Variants in RPL30 observed in about 807,000 individuals in gnomAD.
RPL30 encodes the protein large ribosomal subunit protein eL30.
For synonymous variants in RPL30, 40 were observed against 50.4 expected, an observed-to-expected ratio of 0.79 and a Z score of 0.87; for missense variants, 60 against 138.0, an observed-to-expected ratio of 0.43 and a Z score of 2.83.
chr8:98,045,324 C>T, intron 2 of RPL30, 23 bp downstream of exon 2: 1 of 1,614,128 alleles, frequency 6.2e-7, no homozygotes, highest in Admixed American at 1.7e-5. Context: ...AATCGTCTTC[C>T]GGGCCTGGCC....
chr8:98,042,528 G>C, intron 4 of RPL30, 117 bp downstream of exon 4: 1 of 955,004 alleles, frequency 1.0e-6, no homozygotes, highest in Non-Finnish European at 1.6e-6. Context: ...TGCCTTGCTA[G>C]ATCCATATTC....
chr8:98,042,843 C>G, intron 3 of RPL30, 68 bp from the exon 4 acceptor site: 1 of 1,408,314 alleles, frequency 7.1e-7, no homozygotes, highest in East Asian at 2.5e-5. Context: ...AATGTTACTA[C>G]TTCTTTTACT....
intron 1 of RPL30, 35 bp from the exon 2 acceptor site, chr8:98,045,434 G>A: frequency 1.9e-6 from 3 of 1,601,702 alleles, no homozygotes; most frequent in South Asian, 2.2e-5. Context: ...GGAATTTTAG[G>A]ATCCGGAGTT....
intron 2 of RPL30, 121 bp from the exon 3 acceptor site, chr8:98,045,209 G>C (rs1814454364): frequency 6.5e-7 from 1 of 1,534,354 alleles, no homozygotes; most frequent in South Asian, 1.2e-5. Flanking sequence ...AAGTCATTGA[G>C]AGGGCCACTG....
At chr8:98,043,643 G>T (rs1318811513) in intron 3 of RPL30, 1 of 151,562 alleles carries the variant, frequency 6.6e-6, no homozygotes, top group Non-Finnish European at 1.5e-5. Context: ...GAAGTCAGGA[G>T]CGTCAGACCA....
chr8:98,045,488 G>T lies in RPL30; in HGVS notation c.-33+20C>A. The T allele has an allele frequency of 8.7e-7, 1 of 1,148,102 alleles. No homozygotes were observed. The highest frequency in any genetic ancestry group is 1.3e-6 in the Non-Finnish European group (1 of 774,112). 71.1% of individuals were successfully genotyped at this position (1,148,102 alleles called of 1,614,324 possible). On this transcript the variant is annotated intron_variant, in intron 1 of 4. Coordinates refer to ENST00000287038, the MANE Select transcript of RPL30 (RefSeq NM_000989.4). Reference sequence around the variant, plus strand: ...AGCTCCCCGCGCTGCCTAAACCTCGGTCGGTAGGAGCCCACTCACCAACAG... The same window carrying T: ...AGCTCCCCGCGCTGCCTAAACCTCGTTCGGTAGGAGCCCACTCACCAACAG...
chr8:98,044,814 C>T, intron 3 of RPL30, 129 bp downstream of exon 3: 4 of 1,098,662 alleles, frequency 3.6e-6, no homozygotes, highest in Non-Finnish European at 3.9e-6. Flanking sequence ...GGGCCAAACA[C>T]CACAATCGCT....
rs551163149 is a variant in RPL30, at chr8:98,045,330, T to C, written c.21+17A>G. 1.2e-5 allele frequency: 19 copies of C among 1,614,150 alleles called. No individual in the cohort carries two copies. Among genetic ancestry groups the C allele is most frequent in the Non-Finnish European group, 1.6e-5 (19 of 1,180,018 alleles). ...CTCCACGTGAATCGTCTTCCGGGCC[T>C]GGCCCGCCTCACTCACCGTCTTCTT... On this transcript the variant is annotated intron_variant, in intron 2 of 4. Coordinates refer to ENST00000287038, the MANE Select transcript of RPL30 (RefSeq NM_000989.4).
intron 3 of RPL30, chr8:98,044,392 T>C (rs1490980423): frequency 3.3e-5 from 5 of 152,568 alleles, no homozygotes; most frequent in Admixed American, 2.0e-4. Context: ...TTTGCTCACA[T>C]AGCTTATACT....
In RPL30 at chr8:98,044,630, G is replaced by A. The variant is rs1451354168; in HGVS notation, c.167+313C>T. On this transcript the variant is annotated intron_variant, in intron 3 of 4. Transcript: ENST00000287038. ...TCATTAAAGCACCTCAAAGCTAAAA[G>A]AACCAAAAAAGCAGGACACAAAATA... 4 of 299,534 alleles carry A rather than the reference G, an allele frequency of 1.3e-5. No individual in the cohort carries two copies. In the East Asian group the frequency reaches 2.0e-4, roughly 15 times the overall value. The allele number at this position is 299,534 out of a possible 1,614,324, so 18.6% of individuals were successfully genotyped here.
At position 98,042,666 on chromosome 8, in the gene RPL30, T is replaced by C; in HGVS notation, c.277A>G (p.Thr93Ala). Residue 93 changes from threonine (T) to alanine (A), a missense_variant, in exon 4 of 5, where the codon ACA becomes GCA. Thr to Ala is a moderately conservative substitution (Grantham distance 58). Coordinates refer to ENST00000287038, the MANE Select transcript of RPL30 (RefSeq NM_000989.4). ...ATACCTGGATCAATGATAGCCAGTG[T>C]GCACACTCTGTAGTATTTTCCGCAT... ...TACGKYYRVCTLAIIDPGDSD... is the reference protein window; with the variant it reads ...TACGKYYRVCALAIIDPGDSD... 3.7e-6 allele frequency: 6 copies of C among 1,611,960 alleles called. No homozygotes were observed. The highest frequency in any genetic ancestry group is 5.1e-6 in the Non-Finnish European group (6 of 1,179,342).
Position 98,045,363 on chromosome 8 carries a change from A to C in RPL30, c.5T>G (p.Val2Gly), listed in dbSNP as rs1814457418. 1 of 1,613,950 alleles carries C rather than the reference A, an allele frequency of 6.2e-7. No individual in the cohort carries two copies. The highest frequency in any genetic ancestry group is 8.5e-7 in the Non-Finnish European group (1 of 1,180,020). Residue 2 changes from valine to glycine, a missense_variant, in exon 2 of 5, where the codon GTG (valine) becomes GGG (glycine). Physicochemically the swap from Val to Gly is moderately radical, Grantham distance 109 (BLOSUM62 -3). Transcript: ENST00000287038. ...CTCACTCACCGTCTTCTTTGCGGCC[A>C]CCATCTTCCTGCCTTAGGAGCGGGA... MVAAKKTKKSLE... is the reference protein window; with the variant it reads MGAAKKTKKSLE...
At chr8:98,044,380 A>G (rs913554445) in intron 3 of RPL30, 1 of 152,472 alleles carries the variant, frequency 6.6e-6, no homozygotes, top group Non-Finnish European at 1.5e-5. Flanking sequence ...CACCACAGAA[A>G]ATTTGCTCAC....
At chr8:98,044,812 C>T in intron 3 of RPL30, 131 bp downstream of exon 3, 1 of 1,064,478 alleles carries the variant, frequency 9.4e-7, no homozygotes, top group Non-Finnish European at 1.4e-6. Flanking sequence ...AAGGGCCAAA[C>T]ACCACAATCG....
Position 98,042,691 on chromosome 8 carries a change from T to C in RPL30, c.252A>G (p.Ala84=), listed in dbSNP as rs374764259. ...YSGNNIELGT[A]CGKYYRVCTL... Reference sequence around the variant, plus strand: ...TGCACACTCTGTAGTATTTTCCGCATGCTGTGCCCAGTTCAATATTATTGC... The same window carrying C: ...TGCACACTCTGTAGTATTTTCCGCACGCTGTGCCCAGTTCAATATTATTGC... Residue 84 remains alanine, a synonymous_variant, in exon 4 of 5, where the codon GCA becomes GCG. Coordinates refer to ENST00000287038, the MANE Select transcript of RPL30 (RefSeq NM_000989.4). The C allele has an allele frequency of 1.2e-5, 20 of 1,612,776 alleles. No individual in the cohort carries two copies. The highest frequency in any genetic ancestry group is 9.9e-5 in the South Asian group (9 of 90,802).
Position 98,044,844 on chromosome 8 carries a change from T to C in RPL30, c.167+99A>G, listed in dbSNP as rs1814447180. 3 of 1,281,058 alleles carry C rather than the reference T, an allele frequency of 2.3e-6. No homozygotes were observed. The South Asian group carries it at 4.2e-5, about 18-fold the overall frequency. The allele number at this position is 1,281,058 out of a possible 1,614,324, so 79.4% of individuals were successfully genotyped here. ...ATCGCTACCGTAATTATCCTGCAAG[T>C]GTTCGAGTTCATGGTACTCAGATTA... On this transcript the variant is annotated intron_variant, in intron 3 of 4. Coordinates refer to ENST00000287038, the MANE Select transcript of RPL30 (RefSeq NM_000989.4).
At position 98,042,623 on chromosome 8, in the gene RPL30, CTT is replaced by C; in HGVS notation, c.298+20_298+21del. The C allele has an allele frequency of 8.2e-7, 1 of 1,220,372 alleles. No individual in the cohort carries two copies. The highest frequency in any genetic ancestry group is 1.2e-6 in the Non-Finnish European group (1 of 866,164). The allele number at this position is 1,220,372 out of a possible 1,614,324, so 75.6% of individuals were successfully genotyped here. On this transcript the variant is annotated intron_variant, in intron 4 of 4. Coordinates refer to ENST00000287038, the MANE Select transcript of RPL30 (RefSeq NM_000989.4). ...ATTAGAAAGGCAAAAAAAAAAAAGA[CTT>C]TATGATTTAAAAAGCATACCTGGAT...
Position 98,045,513 on chromosome 8 carries a change from G to C in RPL30, c.-38C>G, listed in dbSNP as rs6984226. The C allele has an allele frequency of 2.6e-6, 2 of 764,284 alleles. No individual in the cohort carries two copies. Among genetic ancestry groups the C allele is most frequent in the Non-Finnish European group, 4.4e-6 (2 of 452,732 alleles). The allele number at this position is 764,284 out of a possible 1,614,324, so 47.3% of individuals were successfully genotyped here. A position where few individuals can be genotyped will look rare whatever the true frequency, so the allele number is the denominator to read the frequency against. On this transcript the variant is annotated 5_prime_UTR_variant, in exon 1 of 5. Coordinates refer to ENST00000287038, the MANE Select transcript of RPL30 (RefSeq NM_000989.4). The stretch of plus-strand genomic sequence containing the variant: ...GTCGGTAGGAGCCCACTCACCAACA[G>C]CAGCCGCTAAGATGGCCGGGGAACG...
chr8:98,042,808 G>C (rs1257227201), intron 3 of RPL30, 33 bp from the exon 4 acceptor site: 2 of 1,534,462 alleles, frequency 1.3e-6, no homozygotes, highest in Non-Finnish European at 1.7e-6. Context: ...ATAAATAAAT[G>C]CGATACCAAG....
Sources: allele counts gnomAD v4.1 joint callset, GRCh38; gene constraint gnomAD v4.1.1; transcripts MANE v1.5; gene names NCBI Gene and HGNC (gene_info 2026-07-23, HGNC 2026-07-21).